Variants in TRIM44 observed in about 807,000 individuals in gnomAD.
The protein encoded by TRIM44 is tripartite motif-containing protein 44.
In TRIM44, 13 loss-of-function variants were observed where a neutral mutation model predicts 37.4. That is an observed-to-expected ratio of 0.35 (90% confidence interval 0.23 to 0.55). The LOEUF (loss-of-function observed/expected upper bound fraction) is 0.55, where lower values mean the gene tolerates loss of function less well. Ranked by LOEUF, TRIM44 falls within the 20% of genes least tolerant of loss-of-function variation. The pLI is 0.89. For synonymous variants in TRIM44, 175 were observed against 157.2 expected, an observed-to-expected ratio of 1.11 and a Z score of -0.85; for missense variants, 426 against 437.2, an observed-to-expected ratio of 0.97 and a Z score of 0.23.
At chr11:35,695,942 C>G (rs902881840) in intron 2 of TRIM44, among the ~76,000 whole-genome samples, 4 of 145,940 alleles carry the variant, frequency 2.7e-5, no homozygotes, top group African/African-American at 1.0e-4. Context: ...AATCTGTAAT[C>G]TGTTTACCTC....
intron 2 of TRIM44, among the ~76,000 whole-genome samples, chr11:35,700,904 G>A (rs985074080): frequency 3.3e-5 from 5 of 152,092 alleles, no homozygotes; most frequent in South Asian, 2.1e-4. Context: ...ATTTAAGGGC[G>A]TATTCTTAAA....
chr11:35,767,335 G>A (rs940151484), intron 4 of TRIM44, among the ~76,000 whole-genome samples: 1 of 152,054 alleles, frequency 6.6e-6, no homozygotes, highest in Non-Finnish European at 1.5e-5. Context: ...TACTTGGTGT[G>A]GATAAGAACA....
intron 4 of TRIM44, among the ~76,000 whole-genome samples, chr11:35,737,479 C>G (rs1324210426): frequency 6.6e-6 from 1 of 151,906 alleles, no homozygotes; most frequent in Non-Finnish European, 1.5e-5. Context: ...CCCAGGAGTT[C>G]AAGAGCAGCC....
intron 4 of TRIM44, among the ~76,000 whole-genome samples, chr11:35,777,353 G>A (rs1852984289): frequency 6.6e-6 from 1 of 152,072 alleles, no homozygotes; most frequent in Non-Finnish European, 1.5e-5. Context: ...GTGTGTCTCT[G>A]CATGTGAGAT....
intron 1 of TRIM44, among the ~76,000 whole-genome samples, chr11:35,672,954 A>G (rs1851415248): frequency 6.6e-6 from 1 of 152,330 alleles, no homozygotes. Context: ...GCATGCTGTC[A>G]TTAGTTGGAG....
chr11:35,691,251 C>T (rs115957315), intron 2 of TRIM44, among the ~76,000 whole-genome samples: 1,943 of 152,326 alleles, frequency 0.013, 44 homozygotes, highest in African/African-American at 0.044. Flanking sequence ...CTCAGTCTTG[C>T]TCTAGGAAGA....
chr11:35,806,274 A>T, intron 4 of TRIM44, 84 bp from the exon 5 acceptor site: 1 of 1,461,346 alleles, frequency 6.8e-7, no homozygotes, highest in Non-Finnish European at 9.6e-7. Context: ...TGTCTGACAT[A>T]AAGTCTGTGC....
intron 2 of TRIM44, among the ~76,000 whole-genome samples, chr11:35,694,140 C>A (rs888042313): frequency 3.9e-5 from 6 of 152,154 alleles, no homozygotes; most frequent in Non-Finnish European, 7.4e-5. Flanking sequence ...TTTCTTTTAG[C>A]CAATTCTATT....
At chr11:35,726,218 C>G in intron 3 of TRIM44, 55 bp downstream of exon 3, 1 of 1,595,692 alleles carries the variant, frequency 6.3e-7, no homozygotes, top group Non-Finnish European at 8.5e-7. Flanking sequence ...GAAACTGATG[C>G]CATATTTGTT....
chr11:35,696,993 G>T (rs1024239784), intron 2 of TRIM44, among the ~76,000 whole-genome samples: 2 of 151,954 alleles, frequency 1.3e-5, no homozygotes, highest in African/African-American at 4.8e-5. Context: ...AATGTCAACC[G>T]CAATTTATAA....
At chr11:35,734,494 C>T (rs929742409) in intron 3 of TRIM44, among the ~76,000 whole-genome samples, 6 of 152,138 alleles carry the variant, frequency 3.9e-5, no homozygotes, top group African/African-American at 1.4e-4. Flanking sequence ...CCAGTAGGAA[C>T]CATTCATTCA....
chr11:35,785,569 G>C (rs867740437), intron 4 of TRIM44, among the ~76,000 whole-genome samples: 4 of 152,322 alleles, frequency 2.6e-5, no homozygotes, highest in African/African-American at 9.6e-5. Context: ...ATTCGGGTAA[G>C]AGTTCAGTCT....
At chr11:35,728,195 G>A (rs956632959) in intron 3 of TRIM44, among the ~76,000 whole-genome samples, 7 of 152,160 alleles carry the variant, frequency 4.6e-5, no homozygotes, top group African/African-American at 1.4e-4. Context: ...GTATGGTGGC[G>A]AGCACCTGCA....
chr11:35,757,944 G>T, intron 4 of TRIM44, among the ~76,000 whole-genome samples: 1 of 152,230 alleles, frequency 6.6e-6, no homozygotes, highest in South Asian at 2.1e-4. Flanking sequence ...TGGAATAGGT[G>T]TGATGTGGTG....
chr11:35,699,486 A>C (rs988327547), intron 2 of TRIM44, among the ~76,000 whole-genome samples: 4 of 152,098 alleles, frequency 2.6e-5, no homozygotes, highest in African/African-American at 7.2e-5. Flanking sequence ...ACAAACCCAC[A>C]GCCAATATCA....
intron 4 of TRIM44, among the ~76,000 whole-genome samples, chr11:35,786,402 A>C (rs1853131477): frequency 6.6e-6 from 1 of 152,206 alleles, no homozygotes; most frequent in African/African-American, 2.4e-5. Flanking sequence ...CCATTGGCTC[A>C]CTTAAGATAA....
chr11:35,788,605 C>G (rs997258517), intron 4 of TRIM44, among the ~76,000 whole-genome samples: 1 of 152,206 alleles, frequency 6.6e-6, no homozygotes. Flanking sequence ...TGTGACCATT[C>G]ATGCCAATTA....
At chr11:35,742,710 CTATATTAAATATAAT>C (rs1251397743) in intron 4 of TRIM44, among the ~76,000 whole-genome samples, 117 of 127,880 alleles carry the variant, frequency 9.1e-4, no homozygotes, top group African/African-American at 3.0e-3. Context: ...ATTATATTAA[CTATATTAAATATAAT>C]TATATTAAAT....
intron 4 of TRIM44, among the ~76,000 whole-genome samples, chr11:35,745,899 T>A (rs1481577116): frequency 1.3e-5 from 2 of 152,048 alleles, no homozygotes. Flanking sequence ...TGGCCCGGAC[T>A]GGGAATCCCC....
Sources: gnomAD v4.1 joint callset for allele counts (sites outside exome capture counted in the v4.1 genomes callset) on GRCh38, gnomAD v4.1.1 for gene constraint, MANE v1.5 for transcripts, NCBI Gene and HGNC (gene_info 2026-07-23, HGNC 2026-07-21) for gene names.